Variants in CEP128 observed in about 807,000 individuals in gnomAD.
The protein encoded by CEP128 is centrosomal protein 128kDa.
CEP128 carries 132 observed loss-of-function variants against 156.7 expected under a neutral mutation model. That is an observed-to-expected ratio of 0.84 (90% CI 0.73 to 0.97). The LOEUF (loss-of-function observed/expected upper bound fraction) is 0.97. Ranked by LOEUF, CEP128 falls within the 50% of genes least tolerant of loss-of-function variation. The pLI, the probability that CEP128 is intolerant of heterozygous loss-of-function variation, is 0.00. For synonymous variants in CEP128, 469 were observed against 448.9 expected (o/e 1.04, Z -0.57); for missense variants, 1,252 against 1,281.9 (o/e 0.98, Z 0.36).
chr14:80,933,127 G>A (rs1885564965), intron 2 of CEP128, among the ~76,000 whole-genome samples: 1 of 152,070 alleles, frequency 6.6e-6, no homozygotes, highest in Non-Finnish European at 1.5e-5. Context: ...CAACCTCACA[G>A]TCAATCCCCC....
chr14:80,857,790 T>A (rs1887276678), intron 9 of CEP128, among the ~76,000 whole-genome samples: 3 of 149,350 alleles, frequency 2.0e-5, no homozygotes, highest in Admixed American at 6.7e-5. Context: ...ATTGAATTAG[T>A]AAAGTTCAAA....
At chr14:80,807,657 T>G (rs1039684073) in intron 13 of CEP128, among the ~76,000 whole-genome samples, 2 of 152,126 alleles carry the variant, frequency 1.3e-5, no homozygotes, top group African/African-American at 4.8e-5. Context: ...AGCTCCTTTA[T>G]CCACATGAAC....
intron 19 of CEP128, among the ~76,000 whole-genome samples, chr14:80,649,528 G>C (rs1454758625): frequency 6.6e-6 from 1 of 152,090 alleles, no homozygotes; most frequent in East Asian, 1.9e-4. Context: ...CATGATGCCA[G>C]AGCATGACGT....
chr14:80,785,199 G>C lies in CEP128; in HGVS notation c.1907C>G (p.Ser636Cys), dbSNP rs746325070. Residue 636 changes from serine (S) to cysteine (C), a missense_variant, in exon 15 of 25, where the codon TCC becomes TGC. Physicochemically the swap from Ser to Cys is moderately radical, Grantham distance 112. Transcript: ENST00000555265. Reference sequence around the variant, plus strand: ...TCGGATGGCACTCAGGTCCTTGATGGACTCTTGCATCTCAAGAAGTTTAGC... The same window carrying C: ...TCGGATGGCACTCAGGTCCTTGATGCACTCTTGCATCTCAAGAAGTTTAGC... ...DKAKLLEMQE[S>C]IKDLSAIRAD... 1 of 1,614,156 alleles carries C rather than the reference G, an allele frequency of 6.2e-7. No homozygotes were observed. Among genetic ancestry groups the C allele is most frequent in the South Asian group, 1.1e-5 (1 of 91,090 alleles).
At chr14:80,790,982 A>G (rs1566628453) in intron 14 of CEP128, among the ~76,000 whole-genome samples, 1 of 152,150 alleles carries the variant, frequency 6.6e-6, no homozygotes. Flanking sequence ...AATACCTTGC[A>G]GTCACTTTTT....
At chr14:80,601,580 T>C (rs1892584026) in intron 19 of CEP128, among the ~76,000 whole-genome samples, 1 of 152,198 alleles carries the variant, frequency 6.6e-6, no homozygotes, top group African/African-American at 2.4e-5. Flanking sequence ...TGGTATAGCC[T>C]ACTGTACAAC....
intron 9 of CEP128, among the ~76,000 whole-genome samples, chr14:80,861,777 A>G (rs1487366396): frequency 6.6e-6 from 1 of 152,208 alleles, no homozygotes; most frequent in Non-Finnish European, 1.5e-5. Context: ...TATTTTACTG[A>G]TTTTAATTTC....
At chr14:80,597,463 A>T (rs1309728635) in intron 19 of CEP128, among the ~76,000 whole-genome samples, 1 of 152,168 alleles carries the variant, frequency 6.6e-6, no homozygotes, top group Non-Finnish European at 1.5e-5. Flanking sequence ...TCCAGGTCCA[A>T]TGGTTTCACT....
chr14:80,526,331 C>G (rs1888973199), intron 23 of CEP128, among the ~76,000 whole-genome samples: 1 of 152,162 alleles, frequency 6.6e-6, no homozygotes, highest in South Asian at 2.1e-4. Context: ...CAGATGGATA[C>G]TGGGTAGGCT....
At chr14:80,714,430 G>C (rs777626269) in intron 19 of CEP128, among the ~76,000 whole-genome samples, 4 of 152,024 alleles carry the variant, frequency 2.6e-5, no homozygotes, top group Non-Finnish European at 5.9e-5. Context: ...TGGCTAAAAG[G>C]CCATTATGTA....
At chr14:80,524,450 A>T (rs1888888139) in intron 23 of CEP128, among the ~76,000 whole-genome samples, 1 of 152,210 alleles carries the variant, frequency 6.6e-6, no homozygotes, top group South Asian at 2.1e-4. Context: ...TCAGTGATGT[A>T]TCAGAGCTGG....
intron 19 of CEP128, among the ~76,000 whole-genome samples, chr14:80,615,680 C>A (rs985332982): frequency 6.6e-6 from 1 of 152,048 alleles, no homozygotes; most frequent in Admixed American, 6.6e-5. Context: ...GAAACCCCAT[C>A]TCTACTAAAA....
At position 80,821,467 on chromosome 14, in the gene CEP128, A is replaced by G. The variant is rs17111124; in HGVS notation, c.1209+9676T>C. 3.9e-3 allele frequency among the ~76,000 whole-genome samples: 601 copies of G among 152,272 alleles called. 16 individuals carry two copies. In the East Asian group the frequency reaches 0.068, roughly 17 times the overall value. On this transcript the variant is annotated intron_variant, in intron 13 of 24. Transcript: ENST00000555265. ...CCCTTTTTTCCATAGCAAGTCCTCA[A>G]ATAAGTATTCCCAAAGCTGTATTTT...
At chr14:80,914,046 C>A (rs969969890) in intron 4 of CEP128, among the ~76,000 whole-genome samples, 2 of 152,164 alleles carry the variant, frequency 1.3e-5, no homozygotes, top group African/African-American at 4.8e-5. Context: ...GGGGTCTCTC[C>A]ATGGCCCAAG....
intron 13 of CEP128, among the ~76,000 whole-genome samples, chr14:80,802,132 T>C (rs748919931): frequency 5.6e-4 from 85 of 151,952 alleles, no homozygotes; most frequent in Non-Finnish European, 7.8e-4. Flanking sequence ...AGTAGGGTGA[T>C]TCCTCAAGAA....
intron 19 of CEP128, among the ~76,000 whole-genome samples, chr14:80,584,123 A>G (rs1891704901): frequency 6.6e-6 from 1 of 150,728 alleles, no homozygotes; most frequent in Non-Finnish European, 1.5e-5. Context: ...AAGTTCCCTG[A>G]ATCAGGGCGT....
chr14:80,763,079 A>T (rs569037935), intron 16 of CEP128, among the ~76,000 whole-genome samples: 1 of 152,192 alleles, frequency 6.6e-6, no homozygotes, highest in Non-Finnish European at 1.5e-5. Context: ...ACAGATCTAG[A>T]TGGGAAGGCA....
rs566315690 is a variant in CEP128 at position 80,502,802 on chromosome 14, C to T, written c.3181+2110G>A. ...GTCTCATCTCTTCTTTTTAATTCTTCAATTTAAAGGGAGATTAAAGAAAAA... is the reference window on the plus strand; with the variant it reads ...GTCTCATCTCTTCTTTTTAATTCTTTAATTTAAAGGGAGATTAAAGAAAAA... On this transcript the variant is annotated intron_variant, in intron 24 of 24. Transcript: ENST00000555265. Among the ~76,000 whole-genome samples the T allele has an allele frequency of 4.6e-5, 7 of 151,984 alleles. No individual in the cohort carries two copies. The South Asian group carries it at 1.5e-3, about 32-fold the overall frequency.
intron 19 of CEP128, among the ~76,000 whole-genome samples, chr14:80,613,056 A>G (rs945860869): frequency 7.4e-6 from 1 of 136,034 alleles, no homozygotes; most frequent in Non-Finnish European, 1.5e-5. Context: ...GGGTTTCACC[A>G]TGTTCTCCAG....
Sources: allele counts gnomAD v4.1 joint callset (sites outside exome capture counted in the v4.1 genomes callset), GRCh38; gene constraint gnomAD v4.1.1; transcripts MANE v1.5; gene names NCBI Gene and HGNC (gene_info 2026-07-23, HGNC 2026-07-21).